Variants in CTNNA3 observed in about 807,000 individuals in gnomAD.
CTNNA3 encodes the protein catenin alpha 3, also known as catenin alpha-3.
CTNNA3 carries 76 observed loss-of-function variants against 95.7 expected under a neutral mutation model. That is an observed-to-expected ratio of 0.79 (90% CI 0.66 to 0.96). The LOEUF (loss-of-function observed/expected upper bound fraction) is 0.96. Ranked by LOEUF, CTNNA3 falls within the 40% of genes least tolerant of loss-of-function variation. The probability of loss-of-function intolerance (pLI) is 0.00; values close to 1 mark genes in which losing one functional copy is unlikely to be tolerated. For synonymous variants in CTNNA3, 431 were observed against 374.4 expected (o/e 1.15, Z -1.74); for missense variants, 1,191 against 1,089.8 (o/e 1.09, Z -1.31).
chr10:66,851,621 C>CTCTT (rs1172825526), intron 7 of CTNNA3, among the ~76,000 whole-genome samples: 1 of 139,562 alleles, frequency 7.2e-6, no homozygotes, highest in African/African-American at 2.7e-5. Flanking sequence ...CCACCTCTCT[C>CTCTT]TTTCTCTCAC....
chr10:66,353,748 G>T (rs111662184), intron 12 of CTNNA3, among the ~76,000 whole-genome samples: 15 of 152,034 alleles, frequency 9.9e-5, no homozygotes, highest in Non-Finnish European at 1.5e-4. Flanking sequence ...AATCAGGAAG[G>T]AGGAACTGGA....
chr10:67,639,283 A>C (rs1839438268), intron 2 of CTNNA3, among the ~76,000 whole-genome samples: 7 of 152,202 alleles, frequency 4.6e-5, no homozygotes, highest in Admixed American at 3.9e-4. Flanking sequence ...CTCGACACAT[A>C]CACCCTCCCA....
chr10:67,141,307 T>TG (rs1344433274), intron 7 of CTNNA3, among the ~76,000 whole-genome samples: 1 of 151,992 alleles, frequency 6.6e-6, no homozygotes, highest in Non-Finnish European at 1.5e-5. Flanking sequence ...TCTAAGATTT[T>TG]TTTTTTACAA....
chr10:66,343,461 A>C (rs1177905991), intron 12 of CTNNA3, among the ~76,000 whole-genome samples: 1 of 152,094 alleles, frequency 6.6e-6, no homozygotes, highest in Non-Finnish European at 1.5e-5. Flanking sequence ...ATGTTGCGTG[A>C]AATAAGCCAA....
intron 1 of CTNNA3, among the ~76,000 whole-genome samples, chr10:67,658,598 T>G (rs1249489037): frequency 6.6e-6 from 1 of 152,180 alleles, no homozygotes; most frequent in African/African-American, 2.4e-5. Flanking sequence ...GCAACATGCC[T>G]AAAGTACTGT....
intron 13 of CTNNA3, among the ~76,000 whole-genome samples, chr10:66,178,468 G>T (rs2085859075): frequency 1.6e-5 from 1 of 63,220 alleles, no homozygotes; most frequent in Non-Finnish European, 3.0e-5. Flanking sequence ...GAAAGAGAGA[G>T]GTACATACAC....
intron 5 of CTNNA3, among the ~76,000 whole-genome samples, chr10:67,494,195 G>C (rs765630250): frequency 6.6e-6 from 1 of 152,114 alleles, no homozygotes; most frequent in Admixed American, 6.5e-5. Context: ...AGAAAACTGA[G>C]GGTTTTTTTA....
At chr10:67,373,380 G>T (rs899030186) in intron 5 of CTNNA3, among the ~76,000 whole-genome samples, 2 of 152,210 alleles carry the variant, frequency 1.3e-5, no homozygotes, top group African/African-American at 4.8e-5. Context: ...GACAAAGAAG[G>T]CCATTACATA....
intron 7 of CTNNA3, among the ~76,000 whole-genome samples, chr10:66,853,405 A>G (rs1397863974): frequency 6.6e-6 from 1 of 152,168 alleles, no homozygotes; most frequent in East Asian, 1.9e-4. Context: ...CAATTAGTCA[A>G]TTGGAACATT....
intron 5 of CTNNA3, among the ~76,000 whole-genome samples, chr10:67,293,913 TCA>T (rs1186162773): frequency 6.6e-6 from 1 of 152,124 alleles, no homozygotes; most frequent in African/African-American, 2.4e-5. Flanking sequence ...ATCCAGTCTC[TCA>T]CTGTTGGACA....
At chr10:66,499,840 T>C (rs1840219381) in intron 11 of CTNNA3, among the ~76,000 whole-genome samples, 1 of 150,792 alleles carries the variant, frequency 6.6e-6, no homozygotes, top group Non-Finnish European at 1.5e-5. Flanking sequence ...TATCACTCTG[T>C]TGCCCAGGCT....
intron 2 of CTNNA3, among the ~76,000 whole-genome samples, chr10:67,620,442 G>A (rs980236661): frequency 2.6e-5 from 4 of 151,984 alleles, no homozygotes; most frequent in Non-Finnish European, 5.9e-5. Flanking sequence ...TCCTGTTTTA[G>A]AGCATTTTAT....
intron 1 of CTNNA3, among the ~76,000 whole-genome samples, chr10:67,685,392 T>C (rs1225345811): frequency 1.3e-5 from 2 of 152,246 alleles, no homozygotes; most frequent in Admixed American, 6.5e-5. Flanking sequence ...ACTCTGCTTC[T>C]ACAAGAGTTT....
intron 1 of CTNNA3, among the ~76,000 whole-genome samples, chr10:67,755,850 A>G (rs1841430456): frequency 6.6e-6 from 1 of 151,708 alleles, no homozygotes; most frequent in South Asian, 2.1e-4. Flanking sequence ...GAAAATCAAT[A>G]TGCCAAAAAG....
At chr10:67,057,861 G>A (rs892517091) in intron 7 of CTNNA3, among the ~76,000 whole-genome samples, 21 of 152,218 alleles carry the variant, frequency 1.4e-4, no homozygotes, top group African/African-American at 4.8e-4. Context: ...GCCAAAATAT[G>A]AGAGTTCATA....
At chr10:66,442,351 G>T (rs1353006867) in intron 11 of CTNNA3, among the ~76,000 whole-genome samples, 1 of 125,450 alleles carries the variant, frequency 8.0e-6, no homozygotes, top group African/African-American at 3.4e-5. Flanking sequence ...ATATGGATTA[G>T]GTTTTTTTTT....
At chr10:66,026,485 T>C (rs972012975) in intron 15 of CTNNA3, among the ~76,000 whole-genome samples, 1 of 152,192 alleles carries the variant, frequency 6.6e-6, no homozygotes, top group African/African-American at 2.4e-5. Context: ...GTAGAATCAT[T>C]AGATTTTTTC....
intron 15 of CTNNA3, among the ~76,000 whole-genome samples, chr10:65,990,392 T>G (rs79459077): frequency 1.9e-5 from 2 of 103,748 alleles, no homozygotes; most frequent in Admixed American, 1.2e-4. Flanking sequence ...CCAGCATCTG[T>G]TTTTTTTTTT....
intron 6 of CTNNA3, among the ~76,000 whole-genome samples, chr10:67,203,806 A>C (rs1049630005): frequency 6.6e-6 from 1 of 152,186 alleles, no homozygotes; most frequent in African/African-American, 2.4e-5. Flanking sequence ...TTAGCTTGGC[A>C]TTCAATATGG....
Sources: gnomAD v4.1 joint callset for allele counts (sites outside exome capture counted in the v4.1 genomes callset) on GRCh38, gnomAD v4.1.1 for gene constraint, MANE v1.5 for transcripts, NCBI Gene and HGNC (gene_info 2026-07-23, HGNC 2026-07-21) for gene names.